GRIP1: variants seen among roughly 807,000 people sequenced by gnomAD.
The protein encoded by GRIP1 is glutamate receptor-interacting protein 1.
In GRIP1, 45 loss-of-function variants were observed where a neutral mutation model predicts 129.9. The observed-to-expected ratio is 0.35, with a 90% CI of 0.27 to 0.44. The LOEUF is 0.44. GRIP1 is among the 20% of genes least tolerant of loss of function. The pLI is 1.00. For synonymous variants in GRIP1, 530 were observed against 520.8 expected, an observed-to-expected ratio of 1.02 and a Z score of -0.24; for missense variants, 1,196 against 1,396.8, an observed-to-expected ratio of 0.86 and a Z score of 2.29.
chr12:66,505,692 A>T (rs1021538839), intron 7 of GRIP1, among the ~76,000 whole-genome samples: 1 of 152,194 alleles, frequency 6.6e-6, no homozygotes, highest in Non-Finnish European at 1.5e-5. Flanking sequence ...TTAATTCTTT[A>T]AAAAAATTCC....
intron 1 of GRIP1, among the ~76,000 whole-genome samples, chr12:66,726,428 T>A (rs1223830646): frequency 6.6e-6 from 1 of 152,164 alleles, no homozygotes; most frequent in Non-Finnish European, 1.5e-5. Context: ...AAAATGGAAA[T>A]GACTGCCCTA....
In GRIP1 at chr12:66,581,540, C is replaced by A. The variant is rs1358460223; in HGVS notation, c.136+15307G>T. ...AATAAAGAAAAAAAGAGAGAAGAAT[C>A]AAATAGATGCAATAAAAAATGATAA... On this transcript the variant is annotated intron_variant, in intron 2 of 24. Coordinates refer to ENST00000359742, the MANE Select transcript of GRIP1 (RefSeq NM_001366722.1). 2.1e-5 allele frequency among the ~76,000 whole-genome samples: 3 copies of A among 144,044 alleles called. No individual in the cohort carries two copies. The East Asian group carries it at 6.1e-4, about 29-fold the overall frequency. The allele number at this position is 144,044 out of a possible 152,430, so 94.5% of individuals were successfully genotyped here.
At chr12:66,512,755 T>C (rs985434714) in intron 7 of GRIP1, among the ~76,000 whole-genome samples, 1 of 152,000 alleles carries the variant, frequency 6.6e-6, no homozygotes, top group Admixed American at 6.6e-5. Flanking sequence ...TAATGCAATG[T>C]TTACCTAACA....
chr12:66,375,190 T>C (rs1412501338), intron 22 of GRIP1, among the ~76,000 whole-genome samples: 2 of 152,200 alleles, frequency 1.3e-5, no homozygotes, highest in Non-Finnish European at 2.9e-5. Flanking sequence ...ATTCCCATTT[T>C]TATAGAAGAA....
At chr12:66,650,723 G>A (rs2032733535) in intron 1 of GRIP1, among the ~76,000 whole-genome samples, 1 of 152,118 alleles carries the variant, frequency 6.6e-6, no homozygotes, top group African/African-American at 2.4e-5. Context: ...GCATAGGACT[G>A]GCCAACCCTA....
intron 1 of GRIP1, among the ~76,000 whole-genome samples, chr12:66,849,188 G>A (rs2039868805): frequency 6.6e-6 from 1 of 152,074 alleles, no homozygotes; most frequent in African/African-American, 2.4e-5. Flanking sequence ...ATACCTCAGT[G>A]CTGGACTCAC....
At chr12:66,762,237 T>A (rs1365505891) in intron 1 of GRIP1, among the ~76,000 whole-genome samples, 2 of 152,152 alleles carry the variant, frequency 1.3e-5, no homozygotes, top group African/African-American at 4.8e-5. Context: ...CAATAGTAAG[T>A]GTCAAGGAAT....
At chr12:66,408,798 C>T (rs1284717002) in intron 15 of GRIP1, among the ~76,000 whole-genome samples, 1 of 152,140 alleles carries the variant, frequency 6.6e-6, no homozygotes, top group African/African-American at 2.4e-5. Context: ...GGGAGCCCAT[C>T]GCCTTGAAAG....
At chr12:66,705,969 C>T (rs2035514273) in intron 1 of GRIP1, among the ~76,000 whole-genome samples, 1 of 152,046 alleles carries the variant, frequency 6.6e-6, no homozygotes, top group Non-Finnish European at 1.5e-5. Flanking sequence ...AAAACCTAGG[C>T]AATACCAATC....
At chr12:66,804,992 A>C (rs2038960449), upstream of GRIP1, among the ~76,000 whole-genome samples, 1 of 152,188 alleles carries the variant, frequency 6.6e-6, no homozygotes, top group East Asian at 1.9e-4. Context: ...TGTTTGATTT[A>C]AATATTAAAA....
At chr12:66,737,717 T>A (rs552001087) in intron 1 of GRIP1, among the ~76,000 whole-genome samples, 1 of 151,636 alleles carries the variant, frequency 6.6e-6, no homozygotes, top group South Asian at 2.1e-4. Flanking sequence ...CTTGCACTCA[T>A]TTTTTTTTAC....
chr12:66,821,617 A>T (rs2039320173), intron 1 of GRIP1, among the ~76,000 whole-genome samples: 1 of 152,240 alleles, frequency 6.6e-6, no homozygotes, highest in African/African-American at 2.4e-5. Context: ...TAGTGGCATT[A>T]ATTAGTCTCC....
At chr12:66,849,301 C>T (rs1045867500) in intron 1 of GRIP1, among the ~76,000 whole-genome samples, 6 of 152,124 alleles carry the variant, frequency 3.9e-5, no homozygotes, top group African/African-American at 1.4e-4. Flanking sequence ...AAACCTCCTC[C>T]GTGAAGCCTG....
At chr12:66,525,200 T>G (rs1342713725) in intron 5 of GRIP1, among the ~76,000 whole-genome samples, 2 of 152,202 alleles carry the variant, frequency 1.3e-5, no homozygotes, top group Non-Finnish European at 2.9e-5. Flanking sequence ...ATTATCCTGA[T>G]ACCAAAGCCT....
chr12:66,776,299 C>T lies in GRIP1; in HGVS notation c.-420+27754G>A, dbSNP rs150604073. Among the ~76,000 whole-genome samples, 320 of 152,242 alleles carry T rather than the reference C, an allele frequency of 2.1e-3. 2 individuals carry two copies. The highest frequency in any genetic ancestry group is 6.8e-3 in the Middle Eastern group (2 of 294). On this transcript the variant is annotated intron_variant, in intron 1 of 4. Coordinates refer to the GRIP1 transcript ENST00000538373. Reference sequence around the variant, plus strand: ...AGGTTTTTGTATATTTAAAGAAATGCTTACTTTAGGGATTAAAAATAAGAG... The same window carrying T: ...AGGTTTTTGTATATTTAAAGAAATGTTTACTTTAGGGATTAAAAATAAGAG...
intron 23 of GRIP1, among the ~76,000 whole-genome samples, chr12:66,368,069 C>A (rs768405395): frequency 8.5e-5 from 13 of 152,256 alleles, no homozygotes; most frequent in Non-Finnish European, 1.3e-4. Flanking sequence ...TAGATTCTGA[C>A]CTGGGGACCT....
chr12:66,443,894 A>T (rs541583698), intron 13 of GRIP1, among the ~76,000 whole-genome samples: 1 of 152,290 alleles, frequency 6.6e-6, no homozygotes, highest in East Asian at 1.9e-4. Context: ...AAATACACTT[A>T]GGGAATTTTC....
At chr12:66,520,900 C>G (rs528226074) in intron 5 of GRIP1, among the ~76,000 whole-genome samples, 1 of 152,178 alleles carries the variant, frequency 6.6e-6, no homozygotes, top group African/African-American at 2.4e-5. Context: ...AGAACCTTCT[C>G]GTTCAGATCT....
At chr12:66,463,836 T>TA (rs1327762797) in intron 8 of GRIP1, among the ~76,000 whole-genome samples, 1 of 152,140 alleles carries the variant, frequency 6.6e-6, no homozygotes, top group East Asian at 1.9e-4. Flanking sequence ...CATCCCCACA[T>TA]ACCAGTCAAG....
Sources: gnomAD v4.1 joint callset for allele counts (sites outside exome capture counted in the v4.1 genomes callset) on GRCh38, gnomAD v4.1.1 for gene constraint, MANE v1.5 for transcripts, NCBI Gene and HGNC (gene_info 2026-07-23, HGNC 2026-07-21) for gene names.